The following DPP6 variants were observed in gnomAD, a reference collection of about 807,000 sequenced individuals.
The protein encoded by DPP6 is A-type potassium channel modulatory protein DPP6.
A neutral mutation model predicts 122.6 loss-of-function variants in DPP6; 69 were observed. The ratio of observed to expected loss-of-function variants is 0.56; its 90% CI spans 0.46 to 0.69. The LOEUF is 0.69. Among genes scored for constraint, DPP6 ranks in the 30% least tolerant of loss-of-function variants. The probability of loss-of-function intolerance (pLI) is 0.00; values close to 1 mark genes in which losing one functional copy is unlikely to be tolerated. For missense variants in DPP6, 928 were observed against 1,116.9 expected, an observed-to-expected ratio of 0.83 and a Z score of 2.41; for synonymous variants, 418 against 433.1, an observed-to-expected ratio of 0.97 and a Z score of 0.43.
At chr7:154,238,927 G>C (rs1801394127) in intron 1 of DPP6, among the ~76,000 whole-genome samples, 1 of 152,208 alleles carries the variant, frequency 6.6e-6, no homozygotes, top group African/African-American at 2.4e-5. Context: ...TCAAATACAT[G>C]TATCTCTTTG....
At chr7:154,827,879 A>G (rs1392464802) in intron 16 of DPP6, among the ~76,000 whole-genome samples, 2 of 152,164 alleles carry the variant, frequency 1.3e-5, no homozygotes, top group East Asian at 3.9e-4. Context: ...TCTTAGACTC[A>G]GGAGCTAGAT....
intron 7 of DPP6, among the ~76,000 whole-genome samples, chr7:154,714,555 G>T (rs2131316343): frequency 6.6e-6 from 1 of 152,258 alleles, no homozygotes; most frequent in South Asian, 2.1e-4. Context: ...AAAGGGAAAA[G>T]CCCTTTATAA....
At chr7:154,437,611 A>T (rs2151271334) in intron 1 of DPP6, among the ~76,000 whole-genome samples, 1 of 152,366 alleles carries the variant, frequency 6.6e-6, no homozygotes, top group South Asian at 2.1e-4. Flanking sequence ...GAAAATGTAT[A>T]CATCAAATTA....
chr7:153,922,221 C>T (rs1369539949), intron 1 of DPP6, among the ~76,000 whole-genome samples: 3 of 152,194 alleles, frequency 2.0e-5, no homozygotes, highest in Non-Finnish European at 1.5e-5. Flanking sequence ...GAATAATTGG[C>T]TGGGTGAGGT....
Position 154,877,492 on chromosome 7 carries a change from G to A in DPP6, c.2078+1392G>A, listed in dbSNP as rs1433382286. The stretch of plus-strand genomic sequence containing the variant: ...CACAGGGATGTCAGGTCTCAAGGTT[G>A]ATGAATCCAGACACCAACAATGTCA... On this transcript the variant is annotated intron_variant, in intron 20 of 25. Coordinates refer to ENST00000377770, the MANE Select transcript of DPP6 (RefSeq NM_130797.4). The surrounding 1 kb of genome is among the most constrained non-coding windows in gnomAD (Gnocchi z 5.2). Among the ~76,000 whole-genome samples, 1 of 152,056 alleles carries A rather than the reference G, an allele frequency of 6.6e-6. No individual in the cohort carries two copies. Among genetic ancestry groups the A allele is most frequent in the Non-Finnish European group, 1.5e-5 (1 of 68,006 alleles).
the DPP6 span, among the ~76,000 whole-genome samples, chr7:153,768,362 G>A: frequency 3.3e-5 from 5 of 152,006 alleles, no homozygotes; most frequent in Non-Finnish European, 7.4e-5. Flanking sequence ...CTCAGGAAGT[G>A]CATTTGTAAG....
rs1191572560 is a variant in DPP6 at position 154,081,210 on chromosome 7, G to T, written c.243+28147G>T. On this transcript the variant is annotated intron_variant, in intron 1 of 25. Coordinates refer to ENST00000377770, the MANE Select transcript of DPP6 (RefSeq NM_130797.4). Reference sequence around the variant, plus strand: ...CAGAGAGCAGGATGGAGTAGCAAAGGCCCTGTAGTGAGGCCCTCTGTGGGG... The same window carrying T: ...CAGAGAGCAGGATGGAGTAGCAAAGTCCCTGTAGTGAGGCCCTCTGTGGGG... Among the ~76,000 whole-genome samples, 4 of 151,446 alleles carry T rather than the reference G, an allele frequency of 2.6e-5. No individual in the cohort carries two copies. In the East Asian group the frequency reaches 7.8e-4, roughly 29 times the overall value.
At chr7:154,735,765 G>C (rs1391776834) in intron 8 of DPP6, among the ~76,000 whole-genome samples, 2 of 152,232 alleles carry the variant, frequency 1.3e-5, no homozygotes, top group Admixed American at 6.5e-5. Context: ...ACCTGTGAGA[G>C]ATTTCTGGGT....
chr7:153,910,532 A>T (rs887832858), intron 1 of DPP6, among the ~76,000 whole-genome samples: 1 of 151,978 alleles, frequency 6.6e-6, no homozygotes, highest in African/African-American at 2.4e-5. Context: ...GGCCTCATTC[A>T]TCTACATAGC....
the DPP6 span, among the ~76,000 whole-genome samples, chr7:153,803,375 A>G: frequency 2.6e-5 from 4 of 151,222 alleles, no homozygotes; most frequent in African/African-American, 9.8e-5. Flanking sequence ...GCCTTCCCCA[A>G]TCCATTGGGG....
chr7:154,275,424 C>T (rs186296966), intron 1 of DPP6, among the ~76,000 whole-genome samples: 39 of 152,314 alleles, frequency 2.6e-4, no homozygotes, highest in South Asian at 4.1e-4. Context: ...AACAAAGAGC[C>T]GGAACCCTGG....
intron 8 of DPP6, among the ~76,000 whole-genome samples, chr7:154,767,665 T>C (rs1183492879): frequency 9.9e-5 from 15 of 152,134 alleles, no homozygotes; most frequent in East Asian, 1.9e-4. Flanking sequence ...AGGCGGCTGT[T>C]GTGCCCCTAG....
At chr7:153,802,256 C>G in the DPP6 span, among the ~76,000 whole-genome samples, 3 of 152,288 alleles carry the variant, frequency 2.0e-5, no homozygotes, top group East Asian at 1.9e-4. Context: ...ATCTGCCACA[C>G]AGGGGGCCCC....
chr7:154,679,017 A>C (rs1424948872), intron 7 of DPP6, among the ~76,000 whole-genome samples: 1 of 152,244 alleles, frequency 6.6e-6, no homozygotes, highest in East Asian at 1.9e-4. Flanking sequence ...AAGGAAAATA[A>C]GCATTTCATC....
At chr7:154,534,334 A>G (rs188559612) in intron 3 of DPP6, among the ~76,000 whole-genome samples, 94 of 152,272 alleles carry the variant, frequency 6.2e-4, no homozygotes, top group South Asian at 1.2e-3. Context: ...CAATGAAAAG[A>G]TGTGTTCTAA....
At chr7:154,836,334 A>T (rs2150535123) in intron 16 of DPP6, among the ~76,000 whole-genome samples, 1 of 152,320 alleles carries the variant, frequency 6.6e-6, no homozygotes, top group African/African-American at 2.4e-5. Context: ...AGCACACAGC[A>T]CTGCCTCACC....
In DPP6 at chr7:154,801,462, G is replaced by GGT; in HGVS notation, c.1407+1_1407+2dup. 5 of 1,571,458 alleles carry GGT rather than the reference G, an allele frequency of 3.2e-6. No individual in the cohort carries two copies. Among genetic ancestry groups the GGT allele is most frequent in the Non-Finnish European group, 4.3e-6 (5 of 1,156,828 alleles). ...ATCACATCACGGTGTCCTCGTCCCA[G>GGT]GTAAGTCCTGCTAGTTTCCGGAGCT... On this transcript the variant is annotated frameshift_variant and splice_region_variant. Transcript: ENST00000377770. LOFTEE classifies it high-confidence loss of function.
the DPP6 span, among the ~76,000 whole-genome samples, chr7:153,766,644 CATTT>C: frequency 6.6e-6 from 1 of 152,094 alleles, no homozygotes; most frequent in Non-Finnish European, 1.5e-5. Flanking sequence ...TGCTGAATGA[CATTT>C]ACTTACTAAA....
chr7:153,854,306 T>C, the DPP6 span, among the ~76,000 whole-genome samples: 19 of 152,122 alleles, frequency 1.2e-4, no homozygotes, highest in Non-Finnish European at 5.9e-5. Flanking sequence ...TTCTTTTGGC[T>C]TAGGATTGAC....
Sources: allele counts gnomAD v4.1 joint callset (sites outside exome capture counted in the v4.1 genomes callset), GRCh38; gene constraint gnomAD v4.1.1; non-coding constraint Gnocchi (gnomAD v3.1); transcripts MANE v1.5; gene names NCBI Gene and HGNC (gene_info 2026-07-23, HGNC 2026-07-21).